The following ARHGAP44 variants were observed in gnomAD, a reference collection of about 807,000 sequenced individuals.
ARHGAP44 encodes the protein Rho GTPase activating protein 44.
A neutral mutation model predicts 106.8 loss-of-function variants in ARHGAP44; 43 were observed. That is an observed-to-expected ratio of 0.40 (90% CI 0.32 to 0.52). The LOEUF (loss-of-function observed/expected upper bound fraction) is 0.52. Ranked by LOEUF, ARHGAP44 falls within the 20% of genes least tolerant of loss-of-function variation. The probability of loss-of-function intolerance (pLI) is 0.48; values close to 1 mark genes in which losing one functional copy is unlikely to be tolerated. For synonymous variants in ARHGAP44, 439 were observed against 410.3 expected, an observed-to-expected ratio of 1.07 and a Z score of -0.85; for missense variants, 866 against 1,050.5, an observed-to-expected ratio of 0.82 and a Z score of 2.43.
At chr17:12,849,048 CAAA>C (rs58661356) in intron 1 of ARHGAP44, among the ~76,000 whole-genome samples, 37,585 of 110,020 alleles carry the variant, frequency 0.34, 6,441 homozygotes, top group African/African-American at 0.55. Context: ...AACTCCATCT[CAAA>C]AAAAAAAAAA....
Position 12,941,062 on chromosome 17 carries a change from C to T in ARHGAP44, c.589C>T (p.Leu197Phe), listed in dbSNP as rs1425606820. 6.2e-7 allele frequency: 1 copy of T among 1,613,852 alleles called. No homozygotes were observed. Among genetic ancestry groups the T allele is most frequent in the East Asian group, 2.2e-5 (1 of 44,892 alleles). ...ANRVEICRDQLSADMYSFVAK... is the reference protein window; with the variant it reads ...ANRVEICRDQFSADMYSFVAK... Reference sequence around the variant, plus strand: ...TATATTTTACCTTGCACAGGACCAGCTCTCAGCTGATATGTACAGTTTTGT... The same window carrying T: ...TATATTTTACCTTGCACAGGACCAGTTCTCAGCTGATATGTACAGTTTTGT... The change falls in exon 8 of 21, where the codon CTC becomes TTC. Residue 197 changes from leucine to phenylalanine, a missense_variant. Leu to Phe is a conservative substitution (Grantham distance 22). Around this residue, in one of 2 missense-constraint regions of ARHGAP44, gnomAD observed 448 missense variants for 646.9 expected, o/e 0.69. Coordinates refer to ENST00000379672, the MANE Select transcript of ARHGAP44 (RefSeq NM_014859.6).
At chr17:12,939,334 A>T (rs941947073) in intron 7 of ARHGAP44, among the ~76,000 whole-genome samples, 1 of 152,204 alleles carries the variant, frequency 6.6e-6, no homozygotes, top group Non-Finnish European at 1.5e-5. Flanking sequence ...CAGACAGATA[A>T]GATCCTTGAA....
At chr17:12,935,171 T>C (rs2038509302) in intron 7 of ARHGAP44, among the ~76,000 whole-genome samples, 1 of 152,202 alleles carries the variant, frequency 6.6e-6, no homozygotes, top group African/African-American at 2.4e-5. Context: ...ATTACTTTTC[T>C]ATGTTGAAGA....
chr17:12,941,454 T>TAGAGGGC lies in ARHGAP44; in HGVS notation c.651+336_651+342dup, dbSNP rs2038706641. Among the ~76,000 whole-genome samples, 6 of 152,236 alleles carry TAGAGGGC rather than the reference T, an allele frequency of 3.9e-5. No homozygotes were observed. In the South Asian group the frequency reaches 1.2e-3, roughly 32 times the overall value. ...TGTGGAGGGAGGTGCTACTGGCATTTAGAGGGCAGAGGCCAGAGATGCTTG... is the reference window on the plus strand; with the variant it reads ...TGTGGAGGGAGGTGCTACTGGCATTTAGAGGGCAGAGGGCAGAGGCCAGAGATGCTTG... On this transcript the variant is annotated intron_variant, in intron 8 of 20. Coordinates refer to ENST00000379672, the MANE Select transcript of ARHGAP44 (RefSeq NM_014859.6).
At chr17:12,971,508 G>C (rs953150734) in intron 16 of ARHGAP44, among the ~76,000 whole-genome samples, 1 of 152,118 alleles carries the variant, frequency 6.6e-6, no homozygotes, top group African/African-American at 2.4e-5. Context: ...TATCAGTTCC[G>C]TTCCCTAAGA....
In ARHGAP44 at chr17:12,958,719, A is replaced by T; in HGVS notation, c.1345A>T (p.Ile449Leu). ...TACCAATTCTTTCTTCCCCGCAGAG[A>T]TAGAGTTCAACATTACTGGCAATTA... is the stretch of plus-strand genomic sequence containing the variant. ...QHADWFFPGE[I>L]EFNITGNYGS... The change falls in exon 16 of 21, where the codon ATA becomes TTA. Residue 449 changes from isoleucine (I) to leucine (L), a missense_variant and splice_region_variant. Around this residue, in one of 2 missense-constraint regions of ARHGAP44, gnomAD observed 448 missense variants for 646.9 expected, o/e 0.69. Coordinates refer to ENST00000379672, the MANE Select transcript of ARHGAP44 (RefSeq NM_014859.6). This position sits in a 1 kb window ranked among gnomAD's most constrained non-coding sequence, Gnocchi z 4.1. The T allele has an allele frequency of 6.2e-7, 1 of 1,613,834 alleles. No individual in the cohort carries two copies. The highest frequency in any genetic ancestry group is 8.5e-7 in the Non-Finnish European group (1 of 1,179,840).
In ARHGAP44 at chr17:12,958,724, G is replaced by A; in HGVS notation, c.1350G>A (p.Glu450=). ...HADWFFPGEI[E]FNITGNYGSP... The stretch of plus-strand genomic sequence containing the variant: ...ATTCTTTCTTCCCCGCAGAGATAGA[G>A]TTCAACATTACTGGCAATTATGGGA... Residue 450 remains glutamate (E), a synonymous_variant, in exon 16 of 21, where the codon GAG becomes GAA. Coordinates refer to ENST00000379672, the MANE Select transcript of ARHGAP44 (RefSeq NM_014859.6). The surrounding 1 kb of genome is among the most constrained non-coding windows in gnomAD (Gnocchi z 4.1). 1 of 1,613,874 alleles carries A rather than the reference G, an allele frequency of 6.2e-7. No homozygotes were observed. The highest frequency in any genetic ancestry group is 8.5e-7 in the Non-Finnish European group (1 of 1,179,854).
chr17:12,795,802 TG>T (rs1181391887), intron 1 of ARHGAP44, among the ~76,000 whole-genome samples: 1 of 152,054 alleles, frequency 6.6e-6, no homozygotes, highest in African/African-American at 2.4e-5. Flanking sequence ...CCCTCGGGCG[TG>T]GGGCATCCAA....
At chr17:12,835,392 A>G (rs1745272693) in intron 1 of ARHGAP44, among the ~76,000 whole-genome samples, 1 of 152,220 alleles carries the variant, frequency 6.6e-6, no homozygotes, top group African/African-American at 2.4e-5. Flanking sequence ...CTGGGCATTG[A>G]TAAAAGGCAG....
intron 16 of ARHGAP44, among the ~76,000 whole-genome samples, chr17:12,967,533 G>T (rs1488436979): frequency 6.6e-6 from 1 of 151,956 alleles, no homozygotes; most frequent in Non-Finnish European, 1.5e-5. Flanking sequence ...TTCTCACATG[G>T]TTTCCTTGCT....
chr17:12,825,438 G>A (rs1282983099), intron 1 of ARHGAP44, among the ~76,000 whole-genome samples: 1 of 151,986 alleles, frequency 6.6e-6, no homozygotes, highest in Non-Finnish European at 1.5e-5. Flanking sequence ...GTGTGTGTGT[G>A]TGCATTATAG....
Position 12,789,638 on chromosome 17 carries a change from G to A in ARHGAP44, c.-201G>A, listed in dbSNP as rs1597840102. ...TGCGCGGCGCGCGTGAGGGGGATGCGGCAGGAGGCGGCGCGGCGGGAGGAG... is the reference window on the plus strand; with the variant it reads ...TGCGCGGCGCGCGTGAGGGGGATGCAGCAGGAGGCGGCGCGGCGGGAGGAG... On this transcript the variant is annotated 5_prime_UTR_variant, in exon 1 of 21. Transcript: ENST00000379672. The A allele has an allele frequency of 1.1e-5, 4 of 350,862 alleles. No homozygotes were observed. The East Asian group carries it at 1.4e-4, about 12-fold the overall frequency. The allele number at this position is 350,862 out of a possible 1,614,324, so 21.7% of individuals were successfully genotyped here. A position where few individuals can be genotyped will look rare whatever the true frequency, so the allele number is the denominator to read the frequency against.
chr17:12,861,248 C>T (rs1361057338), intron 1 of ARHGAP44, among the ~76,000 whole-genome samples: 1 of 152,162 alleles, frequency 6.6e-6, no homozygotes, highest in Non-Finnish European at 1.5e-5. Context: ...CCTTGGCCTC[C>T]CAAAGGGGTG....
chr17:12,952,720 CTCTTTTT>C, intron 13 of ARHGAP44, 139 bp downstream of exon 13: 1 of 331,170 alleles, frequency 3.0e-6, no homozygotes, highest in South Asian at 4.4e-5. Flanking sequence ...CATGCATGGT[CTCTTTTT>C]TTTTTTTTTT....
In ARHGAP44 at chr17:12,848,402, G is replaced by T. The variant is rs965653527; in HGVS notation, c.54-46538G>T. 4.6e-5 allele frequency among the ~76,000 whole-genome samples: 7 copies of T among 152,108 alleles called. 1 individual carries two copies. The highest frequency in any genetic ancestry group is 1.7e-4 in the African/African-American group (7 of 41,416). On this transcript the variant is annotated intron_variant, in intron 1 of 20. Transcript: ENST00000379672. ...TGTTAATTCTGCATGATAACACCAT[G>T]TGCCACCTCAAGCCACATTGTCAGC...
chr17:12,976,748 C>T (rs1033307560), intron 18 of ARHGAP44, among the ~76,000 whole-genome samples: 1 of 152,082 alleles, frequency 6.6e-6, no homozygotes, highest in African/African-American at 2.4e-5. Flanking sequence ...GACTTCAACT[C>T]AGAGGATGCT....
intron 3 of ARHGAP44, among the ~76,000 whole-genome samples, chr17:12,906,964 A>C (rs547296026): frequency 6.6e-6 from 1 of 151,730 alleles, no homozygotes; most frequent in African/African-American, 2.4e-5. Context: ...AACAAACAAA[A>C]AAAACAGAAA....
intron 1 of ARHGAP44, among the ~76,000 whole-genome samples, chr17:12,851,501 CT>C (rs775976155): frequency 6.6e-6 from 1 of 151,752 alleles, no homozygotes; most frequent in Non-Finnish European, 1.5e-5. Context: ...GAGTTTTGCT[CT>C]TGTTGCCCAG....
chr17:12,926,422 G>A (rs1181825094), intron 6 of ARHGAP44, among the ~76,000 whole-genome samples: 4 of 133,784 alleles, frequency 3.0e-5, no homozygotes, highest in African/African-American at 1.1e-4. Context: ...TAATATATAT[G>A]TATATATAAT....
Sources: gnomAD v4.1 joint callset for allele counts (sites outside exome capture counted in the v4.1 genomes callset) on GRCh38, gnomAD v4.1.1 for gene constraint, gnomAD v4.1.1 regional missense constraint, Gnocchi (gnomAD v3.1) non-coding constraint, MANE v1.5 for transcripts, NCBI Gene and HGNC (gene_info 2026-07-23, HGNC 2026-07-21) for gene names.